Variants in STX8 observed in about 807,000 individuals in gnomAD.
The protein encoded by STX8 is syntaxin-8.
Under a neutral mutation model 37.5 loss-of-function variants are expected in STX8, and 23 were observed. That is an observed-to-expected ratio of 0.61 (90% CI 0.44 to 0.87). The LOEUF (loss-of-function observed/expected upper bound fraction) is 0.87. Ranked by LOEUF, STX8 falls within the 40% of genes least tolerant of loss-of-function variation. STX8 has a pLI of 0.00. For synonymous variants in STX8, 115 were observed against 99.1 expected (o/e 1.16, Z -0.95); for missense variants, 313 against 284.7 (o/e 1.10, Z -0.71).
chr17:9,528,247 C>T (rs1289091109), intron 4 of STX8, among the ~76,000 whole-genome samples: 1 of 152,164 alleles, frequency 6.6e-6, no homozygotes, highest in Non-Finnish European at 1.5e-5. Flanking sequence ...AGGAGAAAGG[C>T]ACTGGAGGGG....
chr17:9,515,869 A>C (rs948033672), intron 4 of STX8, among the ~76,000 whole-genome samples: 2 of 152,208 alleles, frequency 1.3e-5, no homozygotes, highest in Admixed American at 1.3e-4. Flanking sequence ...CAAGATGTCA[A>C]GATTTTGGAT....
intron 7 of STX8, among the ~76,000 whole-genome samples, chr17:9,305,329 G>A (rs1908942475): frequency 6.6e-6 from 1 of 152,016 alleles, no homozygotes; most frequent in Non-Finnish European, 1.5e-5. Context: ...CTGACCTCGT[G>A]GTCCACCTGC....
intron 7 of STX8, among the ~76,000 whole-genome samples, chr17:9,340,553 G>GA (rs1910312858): frequency 6.7e-6 from 1 of 150,056 alleles, no homozygotes; most frequent in Non-Finnish European, 1.5e-5. Flanking sequence ...TGATTTTCCA[G>GA]AAAATCTACT....
chr17:9,413,890 C>G (rs371485307), intron 6 of STX8, among the ~76,000 whole-genome samples: 2 of 151,978 alleles, frequency 1.3e-5, no homozygotes, highest in African/African-American at 4.8e-5. Flanking sequence ...ATCCATCCAT[C>G]GATCCATCCA....
chr17:9,531,016 A>C lies in STX8; in HGVS notation c.323+14156T>G, dbSNP rs575630168. ...AGGGTGATAGCAGAGGCCAAGATTC[A>C]TTTTTTTCCATGTGGATATCCAGTT... On this transcript the variant is annotated intron_variant, in intron 4 of 7. Coordinates refer to ENST00000306357, the MANE Select transcript of STX8 (RefSeq NM_004853.3). 2.0e-5 allele frequency among the ~76,000 whole-genome samples: 3 copies of C among 152,248 alleles called. No homozygotes were observed. The South Asian group carries it at 6.2e-4, about 32-fold the overall frequency.
chr17:9,269,414 A>G (rs1343902173), intron 7 of STX8, among the ~76,000 whole-genome samples: 1 of 152,180 alleles, frequency 6.6e-6, no homozygotes, highest in African/African-American at 2.4e-5. Flanking sequence ...TGAGTGTCAG[A>G]GGTTACATAT....
At chr17:9,427,892 C>G (rs1040091344) in intron 6 of STX8, among the ~76,000 whole-genome samples, 3 of 152,158 alleles carry the variant, frequency 2.0e-5, no homozygotes, top group African/African-American at 7.2e-5. Flanking sequence ...TTGCTGAAGG[C>G]TGTAACTCTA....
intron 7 of STX8, among the ~76,000 whole-genome samples, chr17:9,359,041 T>C (rs1910972654): frequency 6.6e-6 from 1 of 151,696 alleles, no homozygotes; most frequent in South Asian, 2.1e-4. Context: ...CTAAGGCTTT[T>C]TTTTTTCTTT....
chr17:9,322,100 G>A (rs536567865), intron 7 of STX8, among the ~76,000 whole-genome samples: 3 of 152,258 alleles, frequency 2.0e-5, no homozygotes, highest in South Asian at 2.1e-4. Flanking sequence ...GAATACGTTC[G>A]TCCCAGGGCT....
At chr17:9,310,148 GA>G (rs1045319591) in intron 7 of STX8, among the ~76,000 whole-genome samples, 5 of 143,036 alleles carry the variant, frequency 3.5e-5, no homozygotes, top group East Asian at 1.9e-4. Flanking sequence ...GCAAAAGGGG[GA>G]AAAAAAACAA....
intron 7 of STX8, among the ~76,000 whole-genome samples, chr17:9,283,939 T>G (rs533395062): frequency 1.8e-4 from 28 of 152,320 alleles, no homozygotes; most frequent in Non-Finnish European, 2.8e-4. Context: ...CTGTGGTGTA[T>G]TTCCTCGGGA....
chr17:9,548,412 A>C (rs1906634101), intron 3 of STX8: 1 of 152,166 alleles, frequency 6.6e-6, no homozygotes, highest in Admixed American at 6.5e-5. Context: ...GCCACCTCAT[A>C]CATTCTTGAT....
intron 4 of STX8, among the ~76,000 whole-genome samples, chr17:9,521,648 T>C (rs1464526249): frequency 6.6e-6 from 1 of 152,210 alleles, no homozygotes; most frequent in African/African-American, 2.4e-5. Flanking sequence ...GGCACTAATC[T>C]AGTGACTTGT....
intron 7 of STX8, among the ~76,000 whole-genome samples, chr17:9,257,921 G>A (rs1567757055): frequency 1.3e-5 from 2 of 152,212 alleles, no homozygotes; most frequent in Admixed American, 6.5e-5. Flanking sequence ...CCCGGGAGGA[G>A]GAGGTTGCGG....
intron 5 of STX8, among the ~76,000 whole-genome samples, chr17:9,496,209 G>A (rs977452433): frequency 5.9e-5 from 9 of 152,094 alleles, no homozygotes; most frequent in African/African-American, 1.9e-4. Context: ...CCCAGTGGCT[G>A]GGATTACAGG....
intron 6 of STX8, among the ~76,000 whole-genome samples, chr17:9,396,044 T>TA: frequency 1.3e-5 from 2 of 151,986 alleles, no homozygotes; most frequent in Non-Finnish European, 2.9e-5. Flanking sequence ...AAGTTTACTT[T>TA]AAAAAAATGT....
At position 9,559,754 on chromosome 17, in the gene STX8, A is replaced by AT. The variant is rs1261471068; in HGVS notation, c.118-2227dup. ...TTATTTTATATATATATATATATAT[A>AT]TATATATTTTTTTTTTTTTTTTTTT... On this transcript the variant is annotated intron_variant, in intron 2 of 7. Coordinates refer to ENST00000306357, the MANE Select transcript of STX8 (RefSeq NM_004853.3). 1.5e-3 allele frequency among the ~76,000 whole-genome samples: 50 copies of AT among 33,524 alleles called. 1 individual carries two copies. Among genetic ancestry groups the AT allele is most frequent in the East Asian group, 5.4e-3 (6 of 1,116 alleles). The allele number at this position is 33,524 out of a possible 152,430, so 22.0% of individuals were successfully genotyped here. A position where few individuals can be genotyped will look rare whatever the true frequency, so the allele number is the denominator to read the frequency against.
At chr17:9,369,536 A>T (rs1911336004) in intron 7 of STX8, among the ~76,000 whole-genome samples, 1 of 152,174 alleles carries the variant, frequency 6.6e-6, no homozygotes, top group African/African-American at 2.4e-5. Flanking sequence ...TTAAATAAAC[A>T]AGACTACTTA....
At chr17:9,327,113 C>T (rs1428983155) in intron 7 of STX8, among the ~76,000 whole-genome samples, 9 of 149,844 alleles carry the variant, frequency 6.0e-5, no homozygotes, top group African/African-American at 1.7e-4. Context: ...GCCGAGATCA[C>T]GCCATTGCAC....
Sources: allele counts gnomAD v4.1 joint callset (sites outside exome capture counted in the v4.1 genomes callset), GRCh38; gene constraint gnomAD v4.1.1; transcripts MANE v1.5; gene names NCBI Gene and HGNC (gene_info 2026-07-23, HGNC 2026-07-21).